SCN3A: variants seen among roughly 807,000 people sequenced by gnomAD.
SCN3A encodes the protein sodium voltage-gated channel alpha subunit 3.
Under a neutral mutation model 187.6 loss-of-function variants are expected in SCN3A, and 60 were observed. That is an observed-to-expected ratio of 0.32 (90% CI 0.26 to 0.40). The LOEUF (loss-of-function observed/expected upper bound fraction) is 0.40. Ranked by LOEUF, SCN3A falls within the 10% of genes least tolerant of loss-of-function variation. SCN3A has a pLI of 1.00. For synonymous variants in SCN3A, 788 were observed against 829.2 expected, an observed-to-expected ratio of 0.95 and a Z score of 0.85; for missense variants, 1,601 against 2,428.2, an observed-to-expected ratio of 0.66 and a Z score of 7.16.
chr2:165,155,886 T>G lies in SCN3A; in HGVS notation c.1049A>C (p.Tyr350Ser). Residue 350 changes from tyrosine to serine, a missense_variant, in exon 10 of 28, where the codon TAC (tyrosine) becomes TCC (serine). Tyr to Ser is a moderately radical substitution (Grantham distance 144). Transcript: ENST00000283254. ...GTTTCGACCAGCCTTCACACAGATGTATCCTTCTGGACACTGGCTATAAGA... is the reference window on the plus strand; with the variant it reads ...GTTTCGACCAGCCTTCACACAGATGGATCCTTCTGGACACTGGCTATAAGA... ...GSDAGQCPEG[Y>S]ICVKAGRNPN... The G allele has an allele frequency of 6.2e-7, 1 of 1,614,158 alleles. No homozygotes were observed. Among genetic ancestry groups the G allele is most frequent in the Non-Finnish European group, 8.5e-7 (1 of 1,180,024 alleles).
Position 165,138,047 on chromosome 2 carries a change from G to A in SCN3A, c.2223C>T (p.Asp741=). The part of the protein sequence containing the change: ...YRFANVFLIW[D]CCDAWLKVKH... ...TTACTTTTAACCATGCATCACAGCAGTCCCAGATCAAGAACACATTGGCAA... is the reference window on the plus strand; with the variant it reads ...TTACTTTTAACCATGCATCACAGCAATCCCAGATCAAGAACACATTGGCAA... Residue 741 remains aspartate (D), a synonymous_variant, in exon 15 of 28, where the codon GAC becomes GAT. Coordinates refer to ENST00000283254, the MANE Select transcript of SCN3A (RefSeq NM_006922.4). 1 of 1,613,604 alleles carries A rather than the reference G, an allele frequency of 6.2e-7. No individual in the cohort carries two copies. The highest frequency in any genetic ancestry group is 8.5e-7 in the Non-Finnish European group (1 of 1,179,632).
intron 5 of SCN3A, among the ~76,000 whole-genome samples, chr2:165,167,499 G>A (rs199947370): frequency 6.6e-6 from 1 of 151,982 alleles, no homozygotes; most frequent in East Asian, 1.9e-4. Context: ...ATCTCCGATT[G>A]TACATTACTT....
chr2:165,144,544 C>T (rs1316587821), intron 12 of SCN3A, among the ~76,000 whole-genome samples: 1 of 152,124 alleles, frequency 6.6e-6, no homozygotes, highest in Non-Finnish European at 1.5e-5. Flanking sequence ...TGCACTTCCT[C>T]TTTCATCAGT....
chr2:165,201,931 C>T (rs1446454617), intron 1 of SCN3A, among the ~76,000 whole-genome samples: 1 of 151,944 alleles, frequency 6.6e-6, no homozygotes, highest in East Asian at 1.9e-4. Context: ...AATTTCCTTC[C>T]TTTGTAGGCA....
At chr2:165,095,371 A>G in intron 25 of SCN3A, 140 bp downstream of exon 25, 1 of 845,270 alleles carries the variant, frequency 1.2e-6, no homozygotes. Flanking sequence ...GAATCCCTGC[A>G]GCTTAAATAA....
intron 2 of SCN3A, among the ~76,000 whole-genome samples, chr2:165,182,093 A>C (rs1311042805): frequency 6.6e-6 from 1 of 152,212 alleles, no homozygotes; most frequent in Non-Finnish European, 1.5e-5. Flanking sequence ...GCAAGTGCCA[A>C]AACAGTGAAA....
intron 18 of SCN3A, among the ~76,000 whole-genome samples, chr2:165,126,170 T>G (rs950962359): frequency 3.9e-5 from 6 of 152,202 alleles, no homozygotes; most frequent in Non-Finnish European, 8.8e-5. Context: ...TGTGTCAACA[T>G]TATACCCTCA....
chr2:165,111,618 A>T (rs191228658), intron 21 of SCN3A, among the ~76,000 whole-genome samples: 2 of 152,204 alleles, frequency 1.3e-5, no homozygotes, highest in East Asian at 3.9e-4. Flanking sequence ...AGAATTAGTA[A>T]ATTTGGACAC....
chr2:165,186,195 G>A (rs1003030675), intron 2 of SCN3A, among the ~76,000 whole-genome samples: 6 of 151,978 alleles, frequency 3.9e-5, no homozygotes, highest in Non-Finnish European at 8.8e-5. Flanking sequence ...GCGTGAACCC[G>A]GGAGGCAGAG....
At chr2:165,119,955 C>T (rs1161430137) in intron 18 of SCN3A, among the ~76,000 whole-genome samples, 3 of 152,090 alleles carry the variant, frequency 2.0e-5, no homozygotes, top group African/African-American at 7.2e-5. Context: ...CAAGTTCAAA[C>T]TTGTTTTCTT....
At chr2:165,154,841 C>T (rs1688921291) in intron 10 of SCN3A, among the ~76,000 whole-genome samples, 183 bp from the exon 11 acceptor site, 1 of 152,144 alleles carries the variant, frequency 6.6e-6, no homozygotes, top group African/African-American at 2.4e-5. Flanking sequence ...TTATTTGAGG[C>T]TTGACTGCAG....
rs891076313 is a variant in SCN3A at position 165,116,428 on chromosome 2, G to C, written c.3394-853C>G. Among the ~76,000 whole-genome samples, 351 of 152,238 alleles carry C rather than the reference G, an allele frequency of 2.3e-3. 6 individuals carry two copies. Among genetic ancestry groups the C allele is most frequent in the Non-Finnish European group, 1.2e-4 (8 of 68,002 alleles). The stretch of plus-strand genomic sequence containing the variant: ...ATAATAAGTACTCTGAGATCACTTG[G>C]GAAGACAGGATTGTGCAAAGTTTTA... On this transcript the variant is annotated intron_variant, in intron 18 of 27. Transcript: ENST00000283254.
chr2:165,153,987 A>ATTTTTTTTTTTGTTT (rs1688856155), intron 11 of SCN3A, among the ~76,000 whole-genome samples: 1 of 92,770 alleles, frequency 1.1e-5, no homozygotes, highest in African/African-American at 4.7e-5. Context: ...TATAGCAAAC[A>ATTTTTTTTTTTGTTT]TTTTTTTTTT....
In SCN3A at chr2:165,092,735, G is replaced by C. The variant is rs1411907032; in HGVS notation, c.4537-211C>G. ...AAACAAAGCATATTTGGTTTATATA[G>C]GTCCTATGGAAAGACAAAGCTGGAT... On this transcript the variant is annotated intron_variant, in intron 26 of 27. Coordinates refer to ENST00000283254, the MANE Select transcript of SCN3A (RefSeq NM_006922.4). The surrounding 1 kb of genome is among the most constrained non-coding windows in gnomAD (Gnocchi z 4.2). The C allele has an allele frequency of 1.8e-6, 1 of 549,588 alleles. No homozygotes were observed. 34.0% of individuals were successfully genotyped at this position (549,588 alleles called of 1,614,324 possible). A position where few individuals can be genotyped will look rare whatever the true frequency, so the allele number is the denominator to read the frequency against.
intron 18 of SCN3A, among the ~76,000 whole-genome samples, chr2:165,122,554 A>G (rs1252835039): frequency 6.6e-6 from 1 of 152,180 alleles, no homozygotes; most frequent in Non-Finnish European, 1.5e-5. Flanking sequence ...TAAAATAGAT[A>G]TTACAAATCC....
intron 2 of SCN3A, among the ~76,000 whole-genome samples, chr2:165,176,725 C>T (rs969384996): frequency 3.3e-5 from 5 of 152,014 alleles, no homozygotes; most frequent in African/African-American, 9.7e-5. Context: ...TTATATTTTA[C>T]CTCAAGAATA....
chr2:165,134,241 C>T (rs927856522), intron 15 of SCN3A, among the ~76,000 whole-genome samples: 1 of 152,092 alleles, frequency 6.6e-6, no homozygotes, highest in Admixed American at 6.5e-5. Context: ...TAACTCAAAA[C>T]GATAGGCTGA....
chr2:165,157,555 C>T (rs989092159), intron 9 of SCN3A, among the ~76,000 whole-genome samples: 1 of 152,154 alleles, frequency 6.6e-6, no homozygotes, highest in African/African-American at 2.4e-5. Context: ...CTTTCACCAC[C>T]TGTCTTGAGG....
chr2:165,123,703 G>T (rs1457265754), intron 18 of SCN3A, among the ~76,000 whole-genome samples: 4 of 152,286 alleles, frequency 2.6e-5, no homozygotes, highest in African/African-American at 7.2e-5. Flanking sequence ...TCGTGTGTGT[G>T]ATAGCTATTA....
Sources: allele counts gnomAD v4.1 joint callset (sites outside exome capture counted in the v4.1 genomes callset), GRCh38; gene constraint gnomAD v4.1.1; non-coding constraint Gnocchi (gnomAD v3.1); transcripts MANE v1.5; gene names NCBI Gene and HGNC (gene_info 2026-07-23, HGNC 2026-07-21).